TENM2: variants seen among roughly 807,000 people sequenced by gnomAD.
TENM2 encodes the protein teneurin transmembrane protein 2.
Under a neutral mutation model 245.2 loss-of-function variants are expected in TENM2, and 52 were observed. The ratio of observed to expected loss-of-function variants is 0.21; its 90% confidence interval spans 0.17 to 0.27. The LOEUF is 0.27. TENM2 is among the 10% of genes least tolerant of loss of function. TENM2 has a pLI of 1.00. For missense variants in TENM2, 3,046 were observed against 3,666.8 expected, an observed-to-expected ratio of 0.83 and a Z score of 4.37; for synonymous variants, 1,363 against 1,438.9, an observed-to-expected ratio of 0.95 and a Z score of 1.19.
At chr5:167,220,902 C>T in the TENM2 span, among the ~76,000 whole-genome samples, 1 of 151,964 alleles carries the variant, frequency 6.6e-6, no homozygotes, top group Admixed American at 6.6e-5. Context: ...TGTCAGCTCA[C>T]TGCAACCTCC....
chr5:167,436,404 G>T (rs760080268), intron 2 of TENM2, among the ~76,000 whole-genome samples: 1 of 152,074 alleles, frequency 6.6e-6, no homozygotes. Flanking sequence ...AAGCAGCAAA[G>T]CATTCAAGAG....
chr5:167,550,504 A>G (rs1172676344), intron 2 of TENM2, among the ~76,000 whole-genome samples: 1 of 152,130 alleles, frequency 6.6e-6, no homozygotes, highest in Non-Finnish European at 1.5e-5. Flanking sequence ...GAGGAATCTC[A>G]TTATGCAGAC....
chr5:167,268,477 T>G, the TENM2 span, among the ~76,000 whole-genome samples: 2 of 152,178 alleles, frequency 1.3e-5, no homozygotes, highest in Non-Finnish European at 2.9e-5. Flanking sequence ...ATGCCTTGTT[T>G]GTGTTAATTC....
the TENM2 span, among the ~76,000 whole-genome samples, chr5:167,261,495 C>A: frequency 6.6e-6 from 1 of 152,088 alleles, no homozygotes; most frequent in Non-Finnish European, 1.5e-5. Flanking sequence ...TGTTTGTCAT[C>A]ATTAACATCA....
intron 1 of TENM2, among the ~76,000 whole-genome samples, chr5:167,331,230 T>A: frequency 1.0e-5 from 1 of 97,398 alleles, no homozygotes; most frequent in Non-Finnish European, 2.0e-5. Context: ...AGTGAGACTC[T>A]GTCTCAAAAA....
intron 2 of TENM2, among the ~76,000 whole-genome samples, chr5:167,457,022 T>C (rs1765964253): frequency 6.6e-6 from 1 of 152,196 alleles, no homozygotes; most frequent in Non-Finnish European, 1.5e-5. Flanking sequence ...GATGGCTTCT[T>C]CTCACCGGCC....
At chr5:167,406,333 A>T (rs1174371949) in intron 2 of TENM2, among the ~76,000 whole-genome samples, 3 of 152,160 alleles carry the variant, frequency 2.0e-5, no homozygotes, top group Admixed American at 2.0e-4. Context: ...AAATTGTATT[A>T]TTCTCCACAT....
chr5:167,937,054 A>G (rs1330695402), intron 3 of TENM2, among the ~76,000 whole-genome samples: 1 of 152,204 alleles, frequency 6.6e-6, no homozygotes, highest in Non-Finnish European at 1.5e-5. Context: ...GTTTTGATAT[A>G]TGTACATTGT....
chr5:167,050,329 ACAT>A, the TENM2 span, among the ~76,000 whole-genome samples: 3 of 152,148 alleles, frequency 2.0e-5, no homozygotes, highest in Admixed American at 1.3e-4. Context: ...GATCTACGTT[ACAT>A]GCTCCGTATG....
the TENM2 span, among the ~76,000 whole-genome samples, chr5:167,115,651 A>G: frequency 1.3e-5 from 2 of 152,342 alleles, no homozygotes; most frequent in East Asian, 1.9e-4. Flanking sequence ...TTCTGTTACA[A>G]TAAGAACATG....
At chr5:167,754,811 G>A (rs953409664) in intron 2 of TENM2, 19 of 389,074 alleles carry the variant, frequency 4.9e-5, no homozygotes, top group Middle Eastern at 1.3e-3. Flanking sequence ...CAGGACTTGC[G>A]GTTGGCATTT....
At chr5:167,776,343 T>C (rs1217046004) in intron 2 of TENM2, among the ~76,000 whole-genome samples, 1 of 151,854 alleles carries the variant, frequency 6.6e-6, no homozygotes, top group Non-Finnish European at 1.5e-5. Flanking sequence ...ATGCCTGTAA[T>C]CCCAGCGCTT....
chr5:167,834,891 C>A (rs1454405136), intron 2 of TENM2, among the ~76,000 whole-genome samples: 1 of 152,090 alleles, frequency 6.6e-6, no homozygotes, highest in Non-Finnish European at 1.5e-5. Context: ...ACCTCGTGAT[C>A]CGCCCGCCTC....
chr5:168,061,217 T>C (rs1437404122), intron 6 of TENM2, among the ~76,000 whole-genome samples: 1 of 152,188 alleles, frequency 6.6e-6, no homozygotes, highest in African/African-American at 2.4e-5. Context: ...ACTGAGACTT[T>C]TTTTCCCCAT....
chr5:167,483,989 G>A (rs1767915420), intron 2 of TENM2, among the ~76,000 whole-genome samples: 1 of 152,166 alleles, frequency 6.6e-6, no homozygotes. Flanking sequence ...GTATGGGCTA[G>A]TGGGAGTGTA....
chr5:168,134,646 C>T (rs1754889380), intron 12 of TENM2, among the ~76,000 whole-genome samples: 1 of 152,162 alleles, frequency 6.6e-6, no homozygotes, highest in African/African-American at 2.4e-5. Context: ...GAGATTGCGC[C>T]ATTGCACTCC....
At chr5:167,527,770 A>G (rs56336890) in intron 2 of TENM2, among the ~76,000 whole-genome samples, 13,974 of 152,218 alleles carry the variant, frequency 0.092, 736 homozygotes, top group South Asian at 0.22. Flanking sequence ...GTAGGCACTC[A>G]ATAAATGCTT....
At chr5:168,068,070 G>A (rs974661602) in intron 7 of TENM2, among the ~76,000 whole-genome samples, 8 of 152,086 alleles carry the variant, frequency 5.3e-5, no homozygotes, top group Non-Finnish European at 1.2e-4. Context: ...ACCCCTTCTG[G>A]TTAGCTGGTG....
intron 2 of TENM2, among the ~76,000 whole-genome samples, chr5:167,799,316 C>T (rs1765538068): frequency 6.6e-6 from 1 of 152,184 alleles, no homozygotes; most frequent in Non-Finnish European, 1.5e-5. Flanking sequence ...TATTCCATTT[C>T]CAACTCTCTT....
Sources: allele counts gnomAD v4.1 joint callset (sites outside exome capture counted in the v4.1 genomes callset), GRCh38; gene constraint gnomAD v4.1.1; transcripts MANE v1.5; gene names NCBI Gene and HGNC (gene_info 2026-07-23, HGNC 2026-07-21).